Variants in KCNQ3 observed in about 807,000 individuals in gnomAD.
The protein encoded by KCNQ3 is potassium voltage-gated channel subfamily KQT member 3.
A neutral mutation model predicts 92.5 loss-of-function variants in KCNQ3; 30 were observed. The observed-to-expected ratio is 0.32, with a 90% CI of 0.24 to 0.44. The LOEUF (loss-of-function observed/expected upper bound fraction) is 0.44. Ranked by LOEUF, KCNQ3 falls within the 20% of genes least tolerant of loss-of-function variation. KCNQ3 has a pLI of 1.00. For synonymous variants in KCNQ3, 450 were observed against 468.8 expected, an observed-to-expected ratio of 0.96 and a Z score of 0.52; for missense variants, 913 against 1,140.3, an observed-to-expected ratio of 0.80 and a Z score of 2.87.
At chr8:132,460,070 C>A (rs1822028653) in intron 1 of KCNQ3, among the ~76,000 whole-genome samples, 1 of 152,080 alleles carries the variant, frequency 6.6e-6, no homozygotes, top group East Asian at 1.9e-4. Context: ...TTTTAAAACA[C>A]CTTTTTACTT....
At chr8:132,431,231 A>T (rs1821242953) in intron 1 of KCNQ3, among the ~76,000 whole-genome samples, 1 of 152,112 alleles carries the variant, frequency 6.6e-6, no homozygotes, top group Non-Finnish European at 1.5e-5. Context: ...ACTGATGTGG[A>T]CCATTCCCAT....
intron 1 of KCNQ3, among the ~76,000 whole-genome samples, chr8:132,282,033 T>C: frequency 6.6e-6 from 1 of 152,168 alleles, no homozygotes; most frequent in East Asian, 1.9e-4. Flanking sequence ...GTGGCTTCAA[T>C]GTACTTGCAC....
At position 132,129,028 on chromosome 8, in the gene KCNQ3, G is replaced by A. The variant is rs182295263; in HGVS notation, c.*234C>T. 3.1e-5 allele frequency: 18 copies of A among 579,212 alleles called. No individual in the cohort carries two copies. The highest frequency in any genetic ancestry group is 8.4e-5 in the South Asian group (4 of 47,366). The allele number at this position is 579,212 out of a possible 1,614,324, so 35.9% of individuals were successfully genotyped here. On this transcript the variant is annotated 3_prime_UTR_variant, in exon 15 of 15. Transcript: ENST00000388996. The surrounding 1 kb of genome is among the most constrained non-coding windows in gnomAD (Gnocchi z 5.9). ...AATGTGTATCCTAGAAGAGATTAGC[G>A]GAACCATTTATATAGTGTAAAGTCA...
chr8:132,371,150 G>A (rs147552931), intron 1 of KCNQ3, among the ~76,000 whole-genome samples: 386 of 152,246 alleles, frequency 2.5e-3, no homozygotes, highest in Non-Finnish European at 4.3e-3. Flanking sequence ...TCACAACCTT[G>A]CCTTATCTAC....
intron 1 of KCNQ3, among the ~76,000 whole-genome samples, chr8:132,292,140 T>C (rs1026450): frequency 0.11 from 16,235 of 152,230 alleles, 974 homozygotes; most frequent in South Asian, 0.17. Context: ...CATGCTAAAA[T>C]AATCAAATAT....
intron 1 of KCNQ3, among the ~76,000 whole-genome samples, chr8:132,367,587 C>G (rs1035311973): frequency 6.6e-6 from 1 of 152,150 alleles, no homozygotes; most frequent in African/African-American, 2.4e-5. Context: ...AACAGTTTTC[C>G]CTACAAATGT....
Position 132,151,493 on chromosome 8 carries a change from T to C in KCNQ3, c.1263-10162A>G, listed in dbSNP as rs183659199. ...TTACAAAATTCCATGTGTGAATATA[T>C]TGATTAAATACAAAAGGGTATTATA... On this transcript the variant is annotated intron_variant, in intron 9 of 14. Transcript: ENST00000388996. Among the ~76,000 whole-genome samples, 728 of 152,296 alleles carry C rather than the reference T, an allele frequency of 4.8e-3. 4 individuals are homozygous for C. Among genetic ancestry groups the C allele is most frequent in the African/African-American group, 0.017 (707 of 41,568 alleles).
Position 132,184,311 on chromosome 8 carries a change from A to G in KCNQ3, c.534T>C (p.Ala178=), listed in dbSNP as rs1826888660. 6.2e-7 allele frequency: 1 copy of G among 1,614,158 alleles called. No individual in the cohort carries two copies. Among genetic ancestry groups the G allele is most frequent in the Non-Finnish European group, 8.5e-7 (1 of 1,180,006 alleles). Reference sequence around the variant, plus strand: ...AGCCTTTGTATCGGCAGCAACATCCAGCAGCCCAGATCCTCAAAGCAAACT... The same window carrying G: ...AGCCTTTGTATCGGCAGCAACATCCGGCAGCCCAGATCCTCAAAGCAAACT... The part of the protein sequence containing the change: ...GAEFALRIWA[A]GCCCRYKGWR... Residue 178 remains alanine (A), a synonymous_variant, in exon 3 of 15, where the codon GCT becomes GCC. Transcript: ENST00000388996.
intron 1 of KCNQ3, among the ~76,000 whole-genome samples, chr8:132,226,234 G>A (rs1814414475): frequency 6.6e-6 from 1 of 150,572 alleles, no homozygotes; most frequent in Admixed American, 6.6e-5. Flanking sequence ...TTGCACCAGT[G>A]CACTCCAGCC....
intron 1 of KCNQ3, among the ~76,000 whole-genome samples, chr8:132,456,592 A>AT (rs550321098): frequency 4.0e-4 from 59 of 148,930 alleles, no homozygotes; most frequent in African/African-American, 9.3e-4. Context: ...TTAGCTTTCT[A>AT]TTTTTTTTTT....
rs140975243 is a variant in KCNQ3, at chr8:132,418,520, T to C, written c.386+61627A>G. On this transcript the variant is annotated intron_variant, in intron 1 of 14. Coordinates refer to ENST00000388996, the MANE Select transcript of KCNQ3 (RefSeq NM_004519.4). ...AAAGTAGATGGCCGGGCACAGTGGTTCACACCTGTAATCCCAGCATTTTGG... is the reference window on the plus strand; with the variant it reads ...AAAGTAGATGGCCGGGCACAGTGGTCCACACCTGTAATCCCAGCATTTTGG... Among the ~76,000 whole-genome samples, 76 of 152,348 alleles carry C rather than the reference T, an allele frequency of 5.0e-4. 1 individual carries two copies. The East Asian group carries it at 0.014, about 27-fold the overall frequency.
intron 1 of KCNQ3, among the ~76,000 whole-genome samples, chr8:132,250,382 C>T (rs1474857137): frequency 2.0e-5 from 3 of 152,096 alleles, no homozygotes; most frequent in South Asian, 2.1e-4. Flanking sequence ...TGAAGAAAAA[C>T]GGAAAGGCCA....
chr8:132,308,837 G>A (rs1817511194), intron 1 of KCNQ3, among the ~76,000 whole-genome samples: 1 of 152,212 alleles, frequency 6.6e-6, no homozygotes, highest in African/African-American at 2.4e-5. Flanking sequence ...CCCACAGCTA[G>A]AAAGTGGCAG....
At chr8:132,430,419 C>T (rs2130822974) in intron 1 of KCNQ3, among the ~76,000 whole-genome samples, 1 of 152,340 alleles carries the variant, frequency 6.6e-6, no homozygotes, top group South Asian at 2.1e-4. Flanking sequence ...GTCACTGAGT[C>T]AGGAGCCAAA....
intron 9 of KCNQ3, among the ~76,000 whole-genome samples, chr8:132,162,478 A>G (rs1826020636): frequency 6.6e-6 from 1 of 152,070 alleles, no homozygotes; most frequent in Non-Finnish European, 1.5e-5. Flanking sequence ...AATTATCTGC[A>G]GAGATCTCTG....
intron 1 of KCNQ3, among the ~76,000 whole-genome samples, chr8:132,187,851 A>T (rs1341367654): frequency 2.2e-5 from 2 of 91,706 alleles, no homozygotes; most frequent in African/African-American, 7.6e-5. Context: ...TGGTGGTGGT[A>T]GTGATGGTGG....
chr8:132,122,631 T>C lies in KCNQ3; in HGVS notation c.*6631A>G, dbSNP rs1170258708. 1.3e-5 allele frequency: 2 copies of C among 152,170 alleles called. No homozygotes were observed. Among genetic ancestry groups the C allele is most frequent in the Admixed American group, 6.5e-5 (1 of 15,276 alleles). 9.4% of individuals were successfully genotyped at this position (152,170 alleles called of 1,614,324 possible). On this transcript the variant is annotated 3_prime_UTR_variant, in exon 15 of 15. Coordinates refer to ENST00000388996, the MANE Select transcript of KCNQ3 (RefSeq NM_004519.4). ...GATGAAGGCTTAGGTAGAATGACAA[T>C]CTTTAAAATTACTGGGCCAACTATT...
intron 1 of KCNQ3, among the ~76,000 whole-genome samples, chr8:132,230,885 G>A (rs907059741): frequency 1.3e-5 from 2 of 152,136 alleles, no homozygotes; most frequent in African/African-American, 4.8e-5. Context: ...TTATGTTGAA[G>A]TCCTAATCCA....
At chr8:132,131,345 T>C (rs998615286) in intron 14 of KCNQ3, among the ~76,000 whole-genome samples, 1 of 152,220 alleles carries the variant, frequency 6.6e-6, no homozygotes, top group Admixed American at 6.5e-5. Context: ...TGCTAGATTA[T>C]GAGCTGTTTG....
Sources: gnomAD v4.1 joint callset for allele counts (sites outside exome capture counted in the v4.1 genomes callset) on GRCh38, gnomAD v4.1.1 for gene constraint, Gnocchi (gnomAD v3.1) non-coding constraint, MANE v1.5 for transcripts, NCBI Gene and HGNC (gene_info 2026-07-23, HGNC 2026-07-21) for gene names.